FRMD6: variants seen among roughly 807,000 people sequenced by gnomAD.
FRMD6 encodes FERM domain-containing protein 6.
In FRMD6, 37 loss-of-function variants were observed where a neutral mutation model predicts 73.2. The observed-to-expected ratio is 0.51, with a 90% CI of 0.39 to 0.66. The LOEUF (loss-of-function observed/expected upper bound fraction) is 0.66, where lower values mean the gene tolerates loss of function less well. Ranked by LOEUF, FRMD6 falls within the 30% of genes least tolerant of loss-of-function variation. FRMD6 has a pLI of 0.00. For missense variants in FRMD6, 714 were observed against 780.5 expected (o/e 0.91, Z 1.02); for synonymous variants, 273 against 282.2 (o/e 0.97, Z 0.33).
At chr14:51,412,770 T>A in the FRMD6 span, among the ~76,000 whole-genome samples, 1 of 151,772 alleles carries the variant, frequency 6.6e-6, no homozygotes, top group South Asian at 2.1e-4. Flanking sequence ...GAGAATGACA[T>A]GAACCGGGGA....
chr14:51,706,462 GATTAT>G (rs1896627548), intron 6 of FRMD6, among the ~76,000 whole-genome samples: 1 of 152,108 alleles, frequency 6.6e-6, no homozygotes, highest in Non-Finnish European at 1.5e-5. Flanking sequence ...AAACTCTCCA[GATTAT>G]AGTCCCTGCC....
At chr14:51,654,773 G>C (rs1428915485) in intron 1 of FRMD6, among the ~76,000 whole-genome samples, 1 of 152,000 alleles carries the variant, frequency 6.6e-6, no homozygotes, top group African/African-American at 2.4e-5. Context: ...TTATCCCTTA[G>C]GTAGTTTTCT....
At chr14:51,706,112 C>T (rs1173197147) in intron 6 of FRMD6, among the ~76,000 whole-genome samples, 3 of 152,112 alleles carry the variant, frequency 2.0e-5, no homozygotes, top group Non-Finnish European at 2.9e-5. Context: ...GGGAGTCATA[C>T]GGAACTCTGC....
the FRMD6 span, among the ~76,000 whole-genome samples, chr14:51,435,684 A>G: frequency 4.6e-5 from 7 of 152,324 alleles, 1 homozygote; most frequent in East Asian, 5.8e-4. Context: ...TTTTTTAACC[A>G]ATATGAAATT....
At chr14:51,614,299 A>C (rs1031555166) in intron 2 of FRMD6, among the ~76,000 whole-genome samples, 1 of 152,180 alleles carries the variant, frequency 6.6e-6, no homozygotes, top group African/African-American at 2.4e-5. Context: ...TTCTAGTCAC[A>C]TGGAATACAG....
intron 2 of FRMD6, among the ~76,000 whole-genome samples, chr14:51,596,745 A>G (rs748721338): frequency 2.5e-4 from 38 of 152,140 alleles, no homozygotes; most frequent in Non-Finnish European, 4.1e-4. Context: ...GCAGAGCCCC[A>G]CCGCCTGGTT....
chr14:51,444,836 G>A, the FRMD6 span, among the ~76,000 whole-genome samples: 1 of 152,172 alleles, frequency 6.6e-6, no homozygotes, highest in Non-Finnish European at 1.5e-5. Context: ...CGATGTTGGT[G>A]TCTAGAGAAC....
At chr14:51,599,326 T>C (rs1889903537) in intron 2 of FRMD6, among the ~76,000 whole-genome samples, 1 of 152,082 alleles carries the variant, frequency 6.6e-6, no homozygotes, top group African/African-American at 2.4e-5. Context: ...CCTTTCACCA[T>C]ATACAAAAAT....
At chr14:51,645,188 C>A (rs74052650) in intron 2 of FRMD6, among the ~76,000 whole-genome samples, 1 of 152,178 alleles carries the variant, frequency 6.6e-6, no homozygotes, top group Non-Finnish European at 1.5e-5. Context: ...CAAGCCAAAT[C>A]AAAATGAATG....
intron 2 of FRMD6, among the ~76,000 whole-genome samples, chr14:51,623,502 T>C (rs1891007553): frequency 6.6e-6 from 1 of 152,224 alleles, no homozygotes; most frequent in Admixed American, 6.5e-5. Context: ...CCTTTCATAT[T>C]TTTGAAAGGA....
At chr14:51,716,283 C>T (rs1478071679) in intron 10 of FRMD6, among the ~76,000 whole-genome samples, 3 of 151,624 alleles carry the variant, frequency 2.0e-5, no homozygotes, top group Non-Finnish European at 2.9e-5. Context: ...TGCTACATTA[C>T]GTATTTGGGT....
At chr14:51,412,709 G>A in the FRMD6 span, among the ~76,000 whole-genome samples, 4 of 151,942 alleles carry the variant, frequency 2.6e-5, no homozygotes, top group African/African-American at 4.8e-5. Context: ...AAAATTAGCC[G>A]GGTGTGGTGG....
chr14:51,412,244 A>G, the FRMD6 span, among the ~76,000 whole-genome samples: 2 of 152,132 alleles, frequency 1.3e-5, no homozygotes, highest in African/African-American at 4.8e-5. Flanking sequence ...ACTGTTCTGC[A>G]TTACATTTTT....
chr14:51,429,359 C>A, the FRMD6 span, among the ~76,000 whole-genome samples: 1 of 152,140 alleles, frequency 6.6e-6, no homozygotes, highest in African/African-American at 2.4e-5. Context: ...TCAGAACTCT[C>A]CCCCAGGTGA....
At chr14:51,496,188 G>A (rs1322058471) in intron 1 of FRMD6, among the ~76,000 whole-genome samples, 1 of 152,196 alleles carries the variant, frequency 6.6e-6, no homozygotes, top group Non-Finnish European at 1.5e-5. Flanking sequence ...GGTGGTGACA[G>A]TGTTCCAACT....
chr14:51,462,492 T>A, the FRMD6 span, among the ~76,000 whole-genome samples: 1 of 152,180 alleles, frequency 6.6e-6, no homozygotes. Context: ...GGACTCGGGC[T>A]TTCCCCTTCT....
chr14:51,460,709 A>T, the FRMD6 span, among the ~76,000 whole-genome samples: 1 of 152,208 alleles, frequency 6.6e-6, no homozygotes, highest in Non-Finnish European at 1.5e-5. Flanking sequence ...AGAGCAAGTG[A>T]TATGTTTCCT....
the FRMD6 span, among the ~76,000 whole-genome samples, chr14:51,460,212 A>T: frequency 6.6e-6 from 1 of 152,202 alleles, no homozygotes; most frequent in Non-Finnish European, 1.5e-5. Context: ...GAAATACATT[A>T]AATAATTACA....
chr14:51,466,299 TG>T, the FRMD6 span, among the ~76,000 whole-genome samples: 2 of 152,242 alleles, frequency 1.3e-5, no homozygotes, highest in Non-Finnish European at 2.9e-5. Flanking sequence ...TTGTAATTCA[TG>T]CTTTTTGAGT....
Sources: gnomAD v4.1 joint callset for allele counts (sites outside exome capture counted in the v4.1 genomes callset) on GRCh38, gnomAD v4.1.1 for gene constraint, MANE v1.5 for transcripts, NCBI Gene and HGNC (gene_info 2026-07-23, HGNC 2026-07-21) for gene names.